Variants in VAV3 observed in about 807,000 individuals in gnomAD.
VAV3 encodes guanine nucleotide exchange factor VAV3.
In VAV3, 94 loss-of-function variants were observed where a neutral mutation model predicts 131.2. The ratio of observed to expected loss-of-function variants is 0.72; its 90% CI spans 0.61 to 0.85. The LOEUF (loss-of-function observed/expected upper bound fraction) is 0.85, where lower values mean the gene tolerates loss of function less well. VAV3 is among the 40% of genes least tolerant of loss of function. The pLI, the probability that VAV3 is intolerant of heterozygous loss-of-function variation, is 0.00. For missense variants in VAV3, 939 were observed against 1,002.7 expected (o/e 0.94, Z 0.86); for synonymous variants, 349 against 342.0 (o/e 1.02, Z -0.22).
intron 12 of VAV3, among the ~76,000 whole-genome samples, chr1:107,753,493 T>TACAC (rs1553201223): frequency 9.9e-5 from 11 of 111,610 alleles, no homozygotes; most frequent in African/African-American, 2.7e-4. Context: ...TGTATATATA[T>TACAC]ACACACATAT....
At position 107,603,153 on chromosome 1, in the gene VAV3, C is replaced by T. The variant is rs1651997744; in HGVS notation, c.2026G>A (p.Ala676Thr). The T allele has an allele frequency of 6.2e-7, 1 of 1,612,788 alleles. No homozygotes were observed. The highest frequency in any genetic ancestry group is 8.5e-7 in the Non-Finnish European group (1 of 1,179,294). Reference sequence around the variant, plus strand: ...GTCTCTGCTTGCAATCTTTCCATTGCTCCAGCATACCTGTAAAAAACAATG... The same window carrying T: ...GTCTCTGCTTGCAATCTTTCCATTGTTCCAGCATACCTGTAAAAAACAATG... ...DYSCQPWYAG[A>T]MERLQAETEL... The change falls in exon 23 of 27, where the codon GCA (alanine) becomes ACA (threonine). Residue 676 changes from alanine to threonine, a missense_variant. Ala to Thr is a moderately conservative substitution (Grantham distance 58, BLOSUM62 0). Coordinates refer to ENST00000370056, the MANE Select transcript of VAV3 (RefSeq NM_006113.5).
chr1:107,807,143 G>A (rs534301761), intron 2 of VAV3, among the ~76,000 whole-genome samples: 2 of 152,242 alleles, frequency 1.3e-5, no homozygotes, highest in African/African-American at 4.8e-5. Context: ...GAAATTCTTG[G>A]TTTCTAGGTG....
At chr1:107,603,233 T>A (rs1343114223) in intron 22 of VAV3, 70 bp from the exon 23 acceptor site, 1 of 1,105,496 alleles carries the variant, frequency 9.0e-7, no homozygotes, top group Non-Finnish European at 1.4e-6. Context: ...AAAGTAAGTA[T>A]CTCTCAATAT....
chr1:107,738,602 G>T (rs1042293579), intron 15 of VAV3, among the ~76,000 whole-genome samples: 1 of 152,138 alleles, frequency 6.6e-6, no homozygotes, highest in African/African-American at 2.4e-5. Context: ...CGTTTCCATT[G>T]CAAGGATTGC....
chr1:107,677,442 C>A lies in VAV3; in HGVS notation c.1777+6046G>T, dbSNP rs1658288670. Among the ~76,000 whole-genome samples the A allele has an allele frequency of 2.0e-5, 3 of 152,142 alleles. No homozygotes were observed. The South Asian group carries it at 6.2e-4, about 31-fold the overall frequency. ...GAAATTACTGACTTTTCTTTATCTA[C>A]TTAGCATTACAATGGCATATCCTTC... On this transcript the variant is annotated intron_variant, in intron 19 of 26. Coordinates refer to ENST00000370056, the MANE Select transcript of VAV3 (RefSeq NM_006113.5).
At chr1:107,623,816 A>C (rs1314763799) in intron 20 of VAV3, among the ~76,000 whole-genome samples, 1 of 152,198 alleles carries the variant, frequency 6.6e-6, no homozygotes, top group African/African-American at 2.4e-5. Context: ...TCCAATGTAT[A>C]AACAGTGAAA....
intron 17 of VAV3, among the ~76,000 whole-genome samples, chr1:107,699,525 G>C (rs1430310041): frequency 1.3e-5 from 2 of 152,228 alleles, no homozygotes; most frequent in African/African-American, 4.8e-5. Context: ...GAATCTGGAG[G>C]ACCGTGGCCC....
intron 1 of VAV3, among the ~76,000 whole-genome samples, chr1:107,880,003 G>A (rs1291625083): frequency 1.3e-5 from 2 of 152,126 alleles, no homozygotes; most frequent in South Asian, 2.1e-4. Context: ...TTAAACAAAT[G>A]TTAACTGAAT....
rs541300638 is a variant in VAV3, at chr1:107,793,893, T to C, written c.322-14401A>G. Among the ~76,000 whole-genome samples the C allele has an allele frequency of 3.3e-5, 5 of 152,286 alleles. No individual in the cohort carries two copies. In the South Asian group the frequency reaches 6.2e-4, roughly 19 times the overall value. Reference sequence around the variant, plus strand: ...TCTGGGAGATAGTAAAGGAAGCAGATAGGACAAGCATTATGAAAACAGGGA... The same window carrying C: ...TCTGGGAGATAGTAAAGGAAGCAGACAGGACAAGCATTATGAAAACAGGGA... On this transcript the variant is annotated intron_variant, in intron 2 of 26. Coordinates refer to ENST00000370056, the MANE Select transcript of VAV3 (RefSeq NM_006113.5).
chr1:107,739,476 C>A (rs924577834), intron 15 of VAV3, among the ~76,000 whole-genome samples: 5 of 152,214 alleles, frequency 3.3e-5, no homozygotes, highest in Non-Finnish European at 7.3e-5. Flanking sequence ...GAGCTGGCTT[C>A]AACTTGGGAG....
At chr1:107,723,233 A>C (rs963984100) in intron 15 of VAV3, among the ~76,000 whole-genome samples, 16 of 151,926 alleles carry the variant, frequency 1.1e-4, no homozygotes, top group African/African-American at 3.4e-4. Flanking sequence ...AAAGAGAGCT[A>C]CTCCTTTGGG....
At chr1:107,626,584 G>T (rs539900179) in intron 20 of VAV3, among the ~76,000 whole-genome samples, 35 of 152,274 alleles carry the variant, frequency 2.3e-4, no homozygotes, top group Non-Finnish European at 4.9e-4. Flanking sequence ...AAGGGATGGG[G>T]TTAATAAATC....
chr1:107,933,364 T>A (rs1204108404), intron 1 of VAV3, among the ~76,000 whole-genome samples: 1 of 151,956 alleles, frequency 6.6e-6, no homozygotes, highest in Non-Finnish European at 1.5e-5. Context: ...GCAAAGGATA[T>A]CTTAGACTCA....
chr1:107,863,041 CAT>C (rs1434594743), intron 2 of VAV3, among the ~76,000 whole-genome samples: 1 of 152,022 alleles, frequency 6.6e-6, no homozygotes, highest in Non-Finnish European at 1.5e-5. Context: ...AAAAATAAAA[CAT>C]ATCTACTCGG....
chr1:107,943,075 G>A (rs1184513202), intron 1 of VAV3, among the ~76,000 whole-genome samples: 2 of 152,134 alleles, frequency 1.3e-5, no homozygotes, highest in African/African-American at 2.4e-5. Flanking sequence ...CAGAGAGGAT[G>A]TGTTCCTTTT....
chr1:107,597,136 T>C (rs1382700940), intron 24 of VAV3, among the ~76,000 whole-genome samples: 1 of 151,928 alleles, frequency 6.6e-6, no homozygotes, highest in African/African-American at 2.4e-5. Context: ...TAAAATTTCT[T>C]ATAAATATCT....
chr1:107,713,762 T>C (rs560607272), intron 15 of VAV3, among the ~76,000 whole-genome samples: 12 of 152,284 alleles, frequency 7.9e-5, no homozygotes, highest in Non-Finnish European at 1.5e-4. Context: ...TGTCCTTTCT[T>C]GATTTGAGCC....
chr1:107,757,519 T>C (rs11808011), intron 10 of VAV3, among the ~76,000 whole-genome samples, 190 bp from the exon 11 acceptor site: 49,255 of 152,000 alleles, frequency 0.32, 8,228 homozygotes, highest in East Asian at 0.39. Flanking sequence ...CAAAAAATCA[T>C]GAGACACAAT....
intron 1 of VAV3, among the ~76,000 whole-genome samples, chr1:107,909,475 G>A (rs1223681483): frequency 6.6e-6 from 1 of 152,060 alleles, no homozygotes; most frequent in Admixed American, 6.5e-5. Context: ...AATTTTTCCC[G>A]AGCTTTATAT....
Sources: gnomAD v4.1 joint callset for allele counts (sites outside exome capture counted in the v4.1 genomes callset) on GRCh38, gnomAD v4.1.1 for gene constraint, MANE v1.5 for transcripts, NCBI Gene and HGNC (gene_info 2026-07-23, HGNC 2026-07-21) for gene names.